Variants in PCDH15 observed in about 807,000 individuals in gnomAD.
The protein encoded by PCDH15 is protocadherin-15.
A neutral mutation model predicts 178.5 loss-of-function variants in PCDH15; 129 were observed. The ratio of observed to expected loss-of-function variants is 0.72; its 90% CI spans 0.63 to 0.84. The LOEUF is 0.84. Ranked by LOEUF, PCDH15 falls within the 40% of genes least tolerant of loss-of-function variation. PCDH15 has a pLI of 0.00. For synonymous variants in PCDH15, 800 were observed against 732.0 expected (o/e 1.09, Z -1.50); for missense variants, 2,230 against 2,099.9 (o/e 1.06, Z -1.21).
At chr10:54,660,787 G>T (rs567170076) in intron 2 of PCDH15, among the ~76,000 whole-genome samples, 2 of 152,142 alleles carry the variant, frequency 1.3e-5, no homozygotes, top group East Asian at 3.9e-4. Context: ...TTATTCCAGG[G>T]ATGCACAAAT....
At chr10:54,309,985 G>A (rs2060802663) in intron 8 of PCDH15, among the ~76,000 whole-genome samples, 2 of 152,038 alleles carry the variant, frequency 1.3e-5, no homozygotes, top group Admixed American at 1.3e-4. Flanking sequence ...GAAACTATTA[G>A]TTTTGAGGAT....
chr10:55,203,957 T>G (rs765929293), intron 1 of PCDH15, among the ~76,000 whole-genome samples: 3 of 151,986 alleles, frequency 2.0e-5, no homozygotes, highest in African/African-American at 7.3e-5. Context: ...ATGCCTGTAA[T>G]CCCAGCAATT....
intron 3 of PCDH15, among the ~76,000 whole-genome samples, chr10:54,833,533 T>C (rs1953263237): frequency 6.6e-6 from 1 of 152,212 alleles, no homozygotes; most frequent in African/African-American, 2.4e-5. Context: ...ATTTCCAGCA[T>C]GCTGGCTTGC....
intron 8 of PCDH15, among the ~76,000 whole-genome samples, chr10:54,242,169 T>TACACAC (rs2055437853): frequency 9.7e-6 from 1 of 102,742 alleles, no homozygotes; most frequent in African/African-American, 4.2e-5. Flanking sequence ...TATATATATA[T>TACACAC]ATATATATAT....
intron 2 of PCDH15, among the ~76,000 whole-genome samples, chr10:55,036,618 C>T (rs1840742748): frequency 6.6e-6 from 1 of 152,142 alleles, no homozygotes; most frequent in Admixed American, 6.5e-5. Context: ...GTTCTGTACT[C>T]TGAAAGCAAC....
At position 55,343,495 on chromosome 10, in the gene PCDH15, C is replaced by T. The variant is rs115314931; in HGVS notation, c.-155-176844G>A. Reference sequence around the variant, plus strand: ...TTTTTTCTCTGATCTATTATCTTTTCACATGTCACCTCTTCTTACCTTATT... The same window carrying T: ...TTTTTTCTCTGATCTATTATCTTTTTACATGTCACCTCTTCTTACCTTATT... On this transcript the variant is annotated intron_variant, in intron 2 of 5. Transcript: ENST00000613346. Among the ~76,000 whole-genome samples, 851 of 151,974 alleles carry T rather than the reference C, an allele frequency of 5.6e-3. 10 individuals carry two copies. Among genetic ancestry groups the T allele is most frequent in the African/African-American group, 0.02 (812 of 41,448 alleles).
chr10:54,867,973 C>T (rs1953968443), intron 3 of PCDH15, among the ~76,000 whole-genome samples: 1 of 152,018 alleles, frequency 6.6e-6, no homozygotes, highest in Non-Finnish European at 1.5e-5. Flanking sequence ...ATGTTCTCAC[C>T]ACACATACAA....
At chr10:55,266,445 A>T (rs191461998) in intron 1 of PCDH15, among the ~76,000 whole-genome samples, 355 of 152,280 alleles carry the variant, frequency 2.3e-3, no homozygotes, top group Non-Finnish European at 3.6e-3. Flanking sequence ...GGAGGGGAGC[A>T]TGGGTAGAGA....
intron 8 of PCDH15, among the ~76,000 whole-genome samples, chr10:54,297,239 G>C (rs1443507394): frequency 6.6e-6 from 1 of 152,128 alleles, no homozygotes; most frequent in Admixed American, 6.5e-5. Context: ...GCATCAATGG[G>C]CTCACCCTTG....
At chr10:54,443,861 T>G (rs2075987716) in intron 3 of PCDH15, among the ~76,000 whole-genome samples, 1 of 151,646 alleles carries the variant, frequency 6.6e-6, no homozygotes, top group East Asian at 1.9e-4. Context: ...AGCTCATAAT[T>G]TCTGTAACAG....
At chr10:54,056,167 T>C (rs1351416158) in intron 18 of PCDH15, among the ~76,000 whole-genome samples, 1 of 152,172 alleles carries the variant, frequency 6.6e-6, no homozygotes, top group Non-Finnish European at 1.5e-5. Context: ...GATATTTTGC[T>C]GGAATGTGTA....
At chr10:53,952,282 T>C (rs980924503) in intron 23 of PCDH15, among the ~76,000 whole-genome samples, 5 of 152,188 alleles carry the variant, frequency 3.3e-5, no homozygotes, top group Non-Finnish European at 7.3e-5. Flanking sequence ...TATAGCCATC[T>C]GAAGGGTGAG....
intron 1 of PCDH15, among the ~76,000 whole-genome samples, chr10:55,304,187 G>A (rs1002427717): frequency 3.3e-5 from 5 of 152,040 alleles, no homozygotes; most frequent in Admixed American, 6.6e-5. Context: ...CTGCAGAACT[G>A]CAAGTAGGGC....
chr10:55,398,607 A>G (rs1837985355), intron 2 of PCDH15, among the ~76,000 whole-genome samples: 1 of 152,220 alleles, frequency 6.6e-6, no homozygotes, highest in East Asian at 1.9e-4. Flanking sequence ...AATTTACCAA[A>G]TCAAAAGATA....
intron 2 of PCDH15, among the ~76,000 whole-genome samples, chr10:55,077,456 CTTCCTTCCTTTCCTTCCTTCTTTCCT>C (rs1841934183): frequency 1.4e-5 from 2 of 139,750 alleles, no homozygotes; most frequent in Admixed American, 7.3e-5. Context: ...CCTTCCCTTC[CTTCCTTCCTTTCCTTCCTTCTTTCCT>C]TTCCTTCCTT....
At chr10:55,533,404 GA>G (rs1451196188) in intron 2 of PCDH15, among the ~76,000 whole-genome samples, 1 of 151,938 alleles carries the variant, frequency 6.6e-6, no homozygotes, top group Non-Finnish European at 1.5e-5. Context: ...AATATATGTA[GA>G]AAAATCAGTA....
chr10:54,824,206 T>C (rs1166294442), intron 3 of PCDH15, among the ~76,000 whole-genome samples: 2 of 152,090 alleles, frequency 1.3e-5, no homozygotes, highest in Non-Finnish European at 2.9e-5. Context: ...GATTCCAAAG[T>C]ACTGCCTCAG....
chr10:54,304,954 G>A (rs978841), intron 8 of PCDH15, among the ~76,000 whole-genome samples: 40,024 of 151,660 alleles, frequency 0.26, 6,623 homozygotes, highest in Middle Eastern at 0.38. Context: ...AAATCAAGTC[G>A]GTTTAGAGCT....
rs1298667377 is a variant in PCDH15, at chr10:53,855,918, A to ATGTGTG, written c.3806+1256_3806+1257insCACACA. On this transcript the variant is annotated intron_variant, in intron 28 of 37. Coordinates refer to ENST00000644397, the MANE Select transcript of PCDH15 (RefSeq NM_001384140.1). ...AAAGGTGATATGTATATATATATAT[A>ATGTGTG]TATGTATGTGTGTGTGTGTAATGAA... Among the ~76,000 whole-genome samples the ATGTGTG allele has an allele frequency of 2.9e-5, 4 of 139,536 alleles. 1 individual carries two copies. In the Admixed American group the frequency reaches 3.0e-4, roughly 10 times the overall value. 91.5% of individuals were successfully genotyped at this position (139,536 alleles called of 152,430 possible).
Sources: gnomAD v4.1 joint callset for allele counts (sites outside exome capture counted in the v4.1 genomes callset) on GRCh38, gnomAD v4.1.1 for gene constraint, MANE v1.5 for transcripts, NCBI Gene and HGNC (gene_info 2026-07-23, HGNC 2026-07-21) for gene names.